The following PID1 variants were observed in gnomAD, a reference collection of about 807,000 sequenced individuals.
PID1 encodes the protein phosphotyrosine interaction domain containing 1, also known as PTB-containing, cubilin and LRP1-interacting protein.
In PID1, 10 loss-of-function variants were observed where a neutral mutation model predicts 19.1. The observed-to-expected ratio is 0.52, with a 90% confidence interval of 0.32 to 0.89. The LOEUF is 0.89. Ranked by LOEUF, PID1 falls within the 40% of genes least tolerant of loss-of-function variation. PID1 has a pLI of 0.03. For synonymous variants in PID1, 130 were observed against 116.0 expected (o/e 1.12, Z -0.78); for missense variants, 248 against 285.3 (o/e 0.87, Z 0.94).
rs1194311379 is a variant in PID1 at position 229,251,737 on chromosome 2, A to C, written c.30+19277T>G. On this transcript the variant is annotated intron_variant, in intron 1 of 2. Coordinates refer to ENST00000392055, the MANE Select transcript of PID1 (RefSeq NM_001100818.2). Reference sequence around the variant, plus strand: ...TTCCTATGTAAAATTAAAAAGACAAATAGCATCAGTTCCTTAAATTAGCAG... The same window carrying C: ...TTCCTATGTAAAATTAAAAAGACAACTAGCATCAGTTCCTTAAATTAGCAG... Among the ~76,000 whole-genome samples the C allele has an allele frequency of 1.3e-5, 2 of 152,180 alleles. 1 individual carries two copies. Among genetic ancestry groups the C allele is most frequent in the Admixed American group, 1.3e-4 (2 of 15,280 alleles).
intron 2 of PID1, among the ~76,000 whole-genome samples, chr2:229,149,009 A>G (rs1261819795): frequency 6.6e-6 from 1 of 150,572 alleles, no homozygotes; most frequent in Non-Finnish European, 1.5e-5. Flanking sequence ...GAAAATATCA[A>G]TGGAAACCAC....
At chr2:229,228,707 T>C (rs1181338715) in intron 1 of PID1, among the ~76,000 whole-genome samples, 1 of 144,870 alleles carries the variant, frequency 6.9e-6, no homozygotes, top group African/African-American at 2.6e-5. Context: ...ATAGATAATT[T>C]AACACTCTTT....
At chr2:229,196,625 A>G (rs16825848) in intron 1 of PID1, among the ~76,000 whole-genome samples, 2,866 of 152,178 alleles carry the variant, frequency 0.019, 75 homozygotes, top group African/African-American at 0.064. Flanking sequence ...CATGTAATGC[A>G]GTGTCATATC....
intron 1 of PID1, among the ~76,000 whole-genome samples, chr2:229,232,812 T>C (rs1692243095): frequency 1.4e-5 from 2 of 147,498 alleles, no homozygotes; most frequent in Admixed American, 1.4e-4. Flanking sequence ...TATATATATA[T>C]ATATATATAT....
At chr2:229,049,432 A>T (rs1456841071) in intron 2 of PID1, among the ~76,000 whole-genome samples, 1 of 152,176 alleles carries the variant, frequency 6.6e-6, no homozygotes, top group Non-Finnish European at 1.5e-5. Flanking sequence ...TGTCTAGAAT[A>T]ATGATAAATA....
At chr2:229,112,861 C>G (rs923024819) in intron 2 of PID1, among the ~76,000 whole-genome samples, 34 of 152,220 alleles carry the variant, frequency 2.2e-4, no homozygotes, top group Admixed American at 2.2e-3. Flanking sequence ...TGACAAAACC[C>G]TAAAATCAGC....
chr2:229,112,416 T>C (rs1180436557), intron 2 of PID1, among the ~76,000 whole-genome samples: 3 of 152,202 alleles, frequency 2.0e-5, no homozygotes, highest in African/African-American at 7.2e-5. Flanking sequence ...CTCAGCTGTA[T>C]TAGTGAACAT....
At chr2:229,135,677 C>T (rs955810593) in intron 2 of PID1, among the ~76,000 whole-genome samples, 4 of 152,108 alleles carry the variant, frequency 2.6e-5, no homozygotes, top group African/African-American at 7.2e-5. Context: ...TCCAAAACAG[C>T]GCTGGACTGA....
At chr2:229,069,887 A>G (rs1694417419) in intron 2 of PID1, among the ~76,000 whole-genome samples, 1 of 152,232 alleles carries the variant, frequency 6.6e-6, no homozygotes, top group Non-Finnish European at 1.5e-5. Context: ...TTCAAGACTC[A>G]CATTTCACAC....
At chr2:229,071,650 T>G (rs1694456660) in intron 2 of PID1, among the ~76,000 whole-genome samples, 1 of 152,244 alleles carries the variant, frequency 6.6e-6, no homozygotes, top group Non-Finnish European at 1.5e-5. Context: ...TTGGTGTAAT[T>G]AAAACCCCAG....
intron 2 of PID1, among the ~76,000 whole-genome samples, chr2:229,131,293 C>G (rs189908234): frequency 6.6e-6 from 1 of 150,768 alleles, no homozygotes; most frequent in Non-Finnish European, 1.5e-5. Flanking sequence ...TGCAGTGTTG[C>G]GATCTCAGCT....
chr2:229,105,214 G>A (rs1695152690), intron 2 of PID1, among the ~76,000 whole-genome samples: 2 of 152,176 alleles, frequency 1.3e-5, no homozygotes, highest in Non-Finnish European at 2.9e-5. Context: ...CCATGAGCCA[G>A]GGAGATTGGG....
chr2:229,175,388 T>C (rs1690799949), intron 1 of PID1, among the ~76,000 whole-genome samples: 1 of 152,186 alleles, frequency 6.6e-6, no homozygotes, highest in Non-Finnish European at 1.5e-5. Context: ...AGTGACTGAT[T>C]CATTAATTAA....
intron 2 of PID1, among the ~76,000 whole-genome samples, chr2:229,107,068 C>T (rs1029487437): frequency 7.2e-5 from 11 of 152,084 alleles, no homozygotes; most frequent in Admixed American, 3.9e-4. Flanking sequence ...AGAGGAAGGA[C>T]CTATGGGGAT....
At chr2:229,030,884 C>T (rs867298441) in intron 2 of PID1, among the ~76,000 whole-genome samples, 52 of 151,902 alleles carry the variant, frequency 3.4e-4, no homozygotes, top group African/African-American at 1.1e-3. Flanking sequence ...TATATAAATT[C>T]GAAATATATT....
chr2:229,259,844 C>T (rs1343290150), intron 1 of PID1, among the ~76,000 whole-genome samples: 1 of 152,058 alleles, frequency 6.6e-6, no homozygotes, highest in African/African-American at 2.4e-5. Flanking sequence ...ACAAAATAGG[C>T]CTAAGAGAGC....
intron 2 of PID1, among the ~76,000 whole-genome samples, chr2:229,085,313 C>T (rs1444047508): frequency 6.6e-6 from 1 of 151,800 alleles, no homozygotes; most frequent in Non-Finnish European, 1.5e-5. Flanking sequence ...CTCCCTTGGT[C>T]TTTCAAGAAG....
At chr2:229,176,168 A>C (rs111812929) in intron 1 of PID1, among the ~76,000 whole-genome samples, 57,733 of 151,898 alleles carry the variant, frequency 0.38, 11,999 homozygotes, top group South Asian at 0.51. Flanking sequence ...TTAAAAAAAA[A>C]AAAACAAAAC....
At chr2:229,168,879 G>C (rs892515140) in intron 1 of PID1, among the ~76,000 whole-genome samples, 7 of 152,124 alleles carry the variant, frequency 4.6e-5, no homozygotes, top group African/African-American at 1.7e-4. Context: ...GGTTGAGTTT[G>C]GGTTTTATTG....
Sources: gnomAD v4.1 joint callset for allele counts (sites outside exome capture counted in the v4.1 genomes callset) on GRCh38, gnomAD v4.1.1 for gene constraint, MANE v1.5 for transcripts, NCBI Gene and HGNC (gene_info 2026-07-23, HGNC 2026-07-21) for gene names.